Variants in PARD3 observed in about 807,000 individuals in gnomAD.
PARD3 encodes par-3 family cell polarity regulator.
A neutral mutation model predicts 155.4 loss-of-function variants in PARD3; 75 were observed. That is an observed-to-expected ratio of 0.48 (90% confidence interval 0.40 to 0.58). PARD3 has a LOEUF of 0.58. Ranked by LOEUF, PARD3 falls within the 20% of genes least tolerant of loss-of-function variation. PARD3 has a pLI of 0.00. For synonymous variants in PARD3, 576 were observed against 610.5 expected, an observed-to-expected ratio of 0.94 and a Z score of 0.83; for missense variants, 1,642 against 1,721.7, an observed-to-expected ratio of 0.95 and a Z score of 0.82.
At chr10:34,121,980 C>CCACTTTACATTACATTTCTTCCA (rs1947030407) in intron 23 of PARD3, among the ~76,000 whole-genome samples, 1 of 152,198 alleles carries the variant, frequency 6.6e-6, no homozygotes, top group East Asian at 1.9e-4. Flanking sequence ...ACATTTTCTT[C>CCACTTTACATTACATTTCTTCCA]CATTACACTT....
intron 5 of PARD3, among the ~76,000 whole-genome samples, chr10:34,405,918 C>T (rs552551420): frequency 6.6e-6 from 1 of 152,282 alleles, no homozygotes; most frequent in South Asian, 2.1e-4. Context: ...CAGAGGAGAT[C>T]TTATACCTAT....
intron 5 of PARD3, among the ~76,000 whole-genome samples, chr10:34,439,589 T>G (rs538530736): frequency 2.0e-5 from 3 of 152,094 alleles, no homozygotes; most frequent in Non-Finnish European, 4.4e-5. Context: ...ATCTGAGTAG[T>G]TGGGATTACT....
chr10:34,757,519 A>G (rs1836894884), intron 1 of PARD3, among the ~76,000 whole-genome samples: 1 of 152,110 alleles, frequency 6.6e-6, no homozygotes, highest in South Asian at 2.1e-4. Flanking sequence ...AACCTGGCCA[A>G]CCAACATGGC....
intron 7 of PARD3, among the ~76,000 whole-genome samples, chr10:34,398,092 C>A (rs1843516114): frequency 6.6e-6 from 1 of 151,888 alleles, no homozygotes; most frequent in Non-Finnish European, 1.5e-5. Flanking sequence ...AATATAACAC[C>A]ACTTGAAAAT....
intron 22 of PARD3, among the ~76,000 whole-genome samples, chr10:34,229,661 C>CGTGTGTGTGTGTGTGT (rs57319517): frequency 1.1e-4 from 16 of 145,618 alleles, no homozygotes; most frequent in African/African-American, 4.0e-4. Context: ...GTTGAGGGTG[C>CGTGTGTGTGTGTGTGT]GTGTGTGTGT....
intron 2 of PARD3, among the ~76,000 whole-genome samples, chr10:34,653,286 T>C (rs2093069149): frequency 6.6e-6 from 1 of 152,184 alleles, no homozygotes; most frequent in African/African-American, 2.4e-5. Context: ...ATGTGCAACA[T>C]GTGATGTCCT....
chr10:34,224,469 T>C (rs1952485910), intron 22 of PARD3, among the ~76,000 whole-genome samples: 1 of 152,256 alleles, frequency 6.6e-6, no homozygotes, highest in Non-Finnish European at 1.5e-5. Flanking sequence ...TTACACACTC[T>C]AAATCCTCAG....
At chr10:34,710,161 G>C (rs1185599908) in intron 1 of PARD3, among the ~76,000 whole-genome samples, 1 of 152,132 alleles carries the variant, frequency 6.6e-6, no homozygotes, top group African/African-American at 2.4e-5. Flanking sequence ...ATGGGAACTA[G>C]CTATACACGT....
At chr10:34,163,249 C>A (rs1317300367) in intron 22 of PARD3, among the ~76,000 whole-genome samples, 1 of 152,042 alleles carries the variant, frequency 6.6e-6, no homozygotes, top group Non-Finnish European at 1.5e-5. Flanking sequence ...CACTCCACAG[C>A]CGGTGGGGGG....
chr10:34,478,547 T>C (rs117725179), intron 3 of PARD3, among the ~76,000 whole-genome samples: 2,748 of 152,308 alleles, frequency 0.018, 44 homozygotes, highest in Middle Eastern at 0.058. Flanking sequence ...AAAAAACATA[T>C]GCAATTTTCT....
chr10:34,687,500 T>C (rs1054838046), intron 2 of PARD3, among the ~76,000 whole-genome samples: 6 of 152,192 alleles, frequency 3.9e-5, no homozygotes, highest in African/African-American at 1.4e-4. Flanking sequence ...TCCTTCCCCA[T>C]GCCTGGCTTC....
At chr10:34,484,340 A>G (rs2079294625) in intron 3 of PARD3, among the ~76,000 whole-genome samples, 1 of 152,150 alleles carries the variant, frequency 6.6e-6, no homozygotes, top group African/African-American at 2.4e-5. Context: ...AAGCATGAGA[A>G]TTTTAGGTAA....
At chr10:34,284,279 T>A (rs752063849) in intron 20 of PARD3, 34 bp from the exon 21 acceptor site, 2 of 1,234,570 alleles carry the variant, frequency 1.6e-6, no homozygotes, top group Non-Finnish European at 2.4e-6. Context: ...CTTGTCAATA[T>A]ATACAAAATG....
At chr10:34,681,122 C>G (rs576641271) in intron 2 of PARD3, among the ~76,000 whole-genome samples, 1 of 152,062 alleles carries the variant, frequency 6.6e-6, no homozygotes, top group African/African-American at 2.4e-5. Context: ...AAGTGTGGTC[C>G]CAGTCTCCAT....
chr10:34,395,241 G>T (rs1843204023), intron 7 of PARD3, among the ~76,000 whole-genome samples: 1 of 152,034 alleles, frequency 6.6e-6, no homozygotes, highest in Non-Finnish European at 1.5e-5. Flanking sequence ...CATCATGTTG[G>T]CCAGGCTGGT....
At chr10:34,714,860 C>T (rs775081898) in intron 1 of PARD3, among the ~76,000 whole-genome samples, 2 of 150,686 alleles carry the variant, frequency 1.3e-5, no homozygotes, top group African/African-American at 2.4e-5. Flanking sequence ...CTGCAACCTC[C>T]GCCTCCCGAG....
chr10:34,550,105 C>A, intron 2 of PARD3, among the ~76,000 whole-genome samples: 1 of 152,180 alleles, frequency 6.6e-6, no homozygotes, highest in South Asian at 2.1e-4. Flanking sequence ...CTGGTTGATT[C>A]TTTCACAAAC....
intron 1 of PARD3, among the ~76,000 whole-genome samples, chr10:34,764,047 C>T (rs558306498): frequency 6.6e-6 from 1 of 152,310 alleles, no homozygotes; most frequent in African/African-American, 2.4e-5. Context: ...ATTTGTACAA[C>T]ACCGTGGGAC....
At chr10:34,644,342 A>T (rs186759242) in intron 2 of PARD3, among the ~76,000 whole-genome samples, 1 of 152,346 alleles carries the variant, frequency 6.6e-6, no homozygotes, top group African/African-American at 2.4e-5. Context: ...TTAATATTTT[A>T]AAACTGCTTC....
Sources: gnomAD v4.1 joint callset for allele counts (sites outside exome capture counted in the v4.1 genomes callset) on GRCh38, gnomAD v4.1.1 for gene constraint, MANE v1.5 for transcripts, NCBI Gene and HGNC (gene_info 2026-07-23, HGNC 2026-07-21) for gene names.